The following ENTREP1 variants were observed in gnomAD, a reference collection of about 807,000 sequenced individuals.
ENTREP1 encodes Friedreich ataxia region gene X123.
At chr9:69,335,856 C>CGCCTGTAGTCCTGACGTGA in the ENTREP1 span, among the ~76,000 whole-genome samples, 1 of 152,264 alleles carries the variant, frequency 6.6e-6, no homozygotes, top group Non-Finnish European at 1.5e-5. Flanking sequence ...TCCTGACGTG[C>CGCCTGTAGTCCTGACGTGA]GCCTGTAGTC....
chr9:69,367,354 C>T, the ENTREP1 span, among the ~76,000 whole-genome samples: 1 of 151,422 alleles, frequency 6.6e-6, no homozygotes, highest in Non-Finnish European at 1.5e-5. Context: ...TTTTTGGTTT[C>T]ATATGAATTT....
At chr9:69,367,874 T>TATATATATACAC in the ENTREP1 span, among the ~76,000 whole-genome samples, 43,292 of 84,630 alleles carry the variant, frequency 0.51, 12,827 homozygotes, top group African/African-American at 0.62. Context: ...TATATATAAA[T>TATATATATACAC]ATATATATAC....
chr9:69,366,384 G>GTTTTTTTT, the ENTREP1 span, among the ~76,000 whole-genome samples: 30 of 123,010 alleles, frequency 2.4e-4, 1 homozygote, highest in African/African-American at 6.3e-4. Context: ...TTCCAACTGG[G>GTTTTTTTT]GTTTTTTTTT....
At chr9:69,387,881 T>G in the ENTREP1 span, 1 of 1,359,560 alleles carries the variant, frequency 7.4e-7, no homozygotes, top group Non-Finnish European at 9.7e-7. Context: ...ATGGTTTGCA[T>G]TCTGGATTCT....
the ENTREP1 span, chr9:69,388,069 G>T: frequency 6.2e-7 from 1 of 1,609,630 alleles, no homozygotes; most frequent in Non-Finnish European, 8.5e-7. Flanking sequence ...TGCTTTCCAT[G>T]TTGAGTTTTG....
At chr9:69,328,185 C>T in the ENTREP1 span, among the ~76,000 whole-genome samples, 1 of 152,188 alleles carries the variant, frequency 6.6e-6, no homozygotes, top group African/African-American at 2.4e-5. Flanking sequence ...TGATAAACTT[C>T]AGAAGGATGA....
the ENTREP1 span, chr9:69,384,164 C>T: frequency 1.7e-6 from 1 of 598,056 alleles, no homozygotes; most frequent in East Asian, 2.8e-5. Flanking sequence ...TTGAGGCCAG[C>T]CTGGACAACA....
the ENTREP1 span, chr9:69,386,006 G>A: frequency 6.7e-7 from 1 of 1,490,266 alleles, no homozygotes; most frequent in South Asian, 1.4e-5. Context: ...AAAGGAGCCA[G>A]GTGAAGGCAG....
chr9:69,361,516 T>C, the ENTREP1 span, among the ~76,000 whole-genome samples: 4 of 152,226 alleles, frequency 2.6e-5, no homozygotes, highest in Non-Finnish European at 5.9e-5. Flanking sequence ...TGTACTATAA[T>C]TTGTTCATCC....
chr9:69,360,373 G>A, the ENTREP1 span, among the ~76,000 whole-genome samples: 6 of 152,202 alleles, frequency 3.9e-5, no homozygotes, highest in East Asian at 1.9e-4. Context: ...GCCCCAACAC[G>A]TACTTTTATA....
chr9:69,336,519 A>G, the ENTREP1 span, among the ~76,000 whole-genome samples: 1 of 152,182 alleles, frequency 6.6e-6, no homozygotes, highest in Non-Finnish European at 1.5e-5. Flanking sequence ...CATTAAACCC[A>G]TCCTAAAGAT....
At chr9:69,388,121 T>C in the ENTREP1 span, 1 of 1,613,910 alleles carries the variant, frequency 6.2e-7, no homozygotes, top group Non-Finnish European at 8.5e-7. Context: ...CAAAAGGGGT[T>C]GGCCAATGGG....
the ENTREP1 span, among the ~76,000 whole-genome samples, chr9:69,369,954 T>C: frequency 5.9e-5 from 9 of 152,192 alleles, no homozygotes; most frequent in Admixed American, 5.9e-4. Flanking sequence ...CACAAGTTGT[T>C]GTTTGTTCAA....
At chr9:69,325,184 T>A in the ENTREP1 span, 1 of 1,030,402 alleles carries the variant, frequency 9.7e-7, no homozygotes, top group Non-Finnish European at 1.2e-6. Flanking sequence ...CGCATTTCCT[T>A]CCCTCCCCCT....
chr9:69,356,373 T>G, the ENTREP1 span, among the ~76,000 whole-genome samples: 1 of 152,164 alleles, frequency 6.6e-6, no homozygotes, highest in Non-Finnish European at 1.5e-5. Context: ...CCTCACCTCG[T>G]GATATGAGGA....
chr9:69,326,191 G>A, the ENTREP1 span, among the ~76,000 whole-genome samples: 13 of 152,128 alleles, frequency 8.5e-5, no homozygotes, highest in Non-Finnish European at 2.9e-5. Context: ...TTTGACTGGG[G>A]CACATCGCTT....
At chr9:69,385,532 G>T in the ENTREP1 span, among the ~76,000 whole-genome samples, 249 of 152,220 alleles carry the variant, frequency 1.6e-3, 1 homozygote, top group South Asian at 2.7e-3. Flanking sequence ...TTTTGGCATG[G>T]CTCCTTTATT....
the ENTREP1 span, among the ~76,000 whole-genome samples, chr9:69,367,894 T>TACAC: frequency 4.2e-5 from 6 of 142,346 alleles, no homozygotes; most frequent in Admixed American, 7.3e-5. Context: ...CACATATATA[T>TACAC]ATACATATAT....
At chr9:69,345,292 C>A in the ENTREP1 span, among the ~76,000 whole-genome samples, 1 of 152,176 alleles carries the variant, frequency 6.6e-6, no homozygotes, top group Non-Finnish European at 1.5e-5. Flanking sequence ...AAATAATGAT[C>A]TCTAAATGGA....
Sources: gnomAD v4.1 joint callset for allele counts (sites outside exome capture counted in the v4.1 genomes callset) on GRCh38, gnomAD v4.1.1 for gene constraint, MANE v1.5 for transcripts, NCBI Gene and HGNC (gene_info 2026-07-23, HGNC 2026-07-21) for gene names.